RYR1: variants seen among roughly 807,000 people sequenced by gnomAD.
RYR1 encodes ryanodine receptor 1.
Under a neutral mutation model 583.5 loss-of-function variants are expected in RYR1, and 342 were observed. That is an observed-to-expected ratio of 0.59 (90% confidence interval 0.54 to 0.64). The LOEUF is 0.64. Ranked by LOEUF, RYR1 falls within the 30% of genes least tolerant of loss-of-function variation. RYR1 has a pLI of 0.00. For missense variants in RYR1, 6,032 were observed against 6,917.2 expected, an observed-to-expected ratio of 0.87 and a Z score of 4.54; for synonymous variants, 2,791 against 2,822.5, an observed-to-expected ratio of 0.99 and a Z score of 0.35.
intron 58 of RYR1, among the ~76,000 whole-genome samples, chr19:38,509,450 A>ATTTTT (rs534650223): frequency 3.8e-5 from 4 of 104,364 alleles, no homozygotes; most frequent in East Asian, 2.6e-4. Flanking sequence ...TATTATTATT[A>ATTTTT]TTTTTTTTTT....
In RYR1 at chr19:38,500,051, G is replaced by A; in HGVS notation, c.7323+35G>A. The A allele has an allele frequency of 6.3e-7, 1 of 1,594,520 alleles. No individual in the cohort carries two copies. Among genetic ancestry groups the A allele is most frequent in the Non-Finnish European group, 8.6e-7 (1 of 1,163,184 alleles). On this transcript the variant is annotated intron_variant, in intron 45 of 105. Coordinates refer to ENST00000359596, the MANE Select transcript of RYR1 (RefSeq NM_000540.3). The surrounding 1 kb of genome is among the most constrained non-coding windows in gnomAD (Gnocchi z 5.9). Reference sequence around the variant, plus strand: ...TGAGCCAGGGCAGGATGGGAAGGGAGGGCAGGCACAGCCGCTTTGAACGCC... The same window carrying A: ...TGAGCCAGGGCAGGATGGGAAGGGAAGGCAGGCACAGCCGCTTTGAACGCC...
chr19:38,562,098 A>G (rs1019180816), intron 90 of RYR1, among the ~76,000 whole-genome samples: 11 of 151,756 alleles, frequency 7.2e-5, no homozygotes, highest in Non-Finnish European at 1.2e-4. Context: ...CCCTCTCAGA[A>G]CCCTGGCATG....
At chr19:38,524,665 G>A (rs1027075850) in intron 70 of RYR1, among the ~76,000 whole-genome samples, 1 of 152,210 alleles carries the variant, frequency 6.6e-6, no homozygotes, top group African/African-American at 2.4e-5. Context: ...CTGTGTCTCT[G>A]CTTCCAGATC....
chr19:38,569,513 T>A (rs1973615782), intron 93 of RYR1, among the ~76,000 whole-genome samples: 1 of 151,006 alleles, frequency 6.6e-6, no homozygotes, highest in South Asian at 2.1e-4. Context: ...TATGGTTGTG[T>A]CACTTCACTC....
At position 38,586,008 on chromosome 19, in the gene RYR1, T is replaced by A. The variant is rs759934562; in HGVS notation, c.14868+6T>A. On this transcript the variant is annotated splice_donor_region_variant and intron_variant, in intron 103 of 105. Transcript: ENST00000359596. ...AAGTGAAGGAGGATATGGAGGTAGG[T>A]CATGTCTGGGGGTGACCCAGAGGGA... 129 of 1,613,676 alleles carry A rather than the reference T, an allele frequency of 8.0e-5. 1 individual carries two copies. Among genetic ancestry groups the A allele is most frequent in the Non-Finnish European group, 1.1e-4 (128 of 1,179,966 alleles).
chr19:38,446,008 G>A (rs917094357), intron 7 of RYR1, among the ~76,000 whole-genome samples: 2 of 151,812 alleles, frequency 1.3e-5, no homozygotes, highest in African/African-American at 2.4e-5. Context: ...TAAACAAAAC[G>A]AAACAAAAAA....
In RYR1 at chr19:38,455,560, GGGGAGT is replaced by G; in HGVS notation, c.1672+19_1672+24del. ...AGGCCTCGTCTGGTAGGAGAACCCG[GGGGAGT>G]GGGACAGAGGCTTGTGGGAGGGGAT... On this transcript the variant is annotated intron_variant, in intron 15 of 105. Transcript: ENST00000359596. 1.9e-6 allele frequency: 3 copies of G among 1,613,812 alleles called. No individual in the cohort carries two copies. Among genetic ancestry groups the G allele is most frequent in the Non-Finnish European group, 2.5e-6 (3 of 1,179,794 alleles).
chr19:38,508,694 C>T (rs1004614460), intron 58 of RYR1, among the ~76,000 whole-genome samples: 1 of 152,052 alleles, frequency 6.6e-6, no homozygotes, highest in Non-Finnish European at 1.5e-5. Context: ...GTCAGGATGC[C>T]CTGTAGCTGA....
chr19:38,528,424 G>A lies in RYR1; in HGVS notation c.10937+6G>A, dbSNP rs200073458. 4 of 1,613,820 alleles carry A rather than the reference G, an allele frequency of 2.5e-6. No individual in the cohort carries two copies. In the African/African-American group the frequency reaches 4.0e-5, roughly 16 times the overall value. On this transcript the variant is annotated splice_donor_region_variant and intron_variant, in intron 74 of 105. Coordinates refer to ENST00000359596, the MANE Select transcript of RYR1 (RefSeq NM_000540.3). ...CCCCTGTACAACCTGCCCACGTAAG[G>A]CCCCCAGGGACAAGGGAAGCGTGAA...
At chr19:38,545,252 C>A (rs1194364714) in intron 87 of RYR1, among the ~76,000 whole-genome samples, 2 of 152,060 alleles carry the variant, frequency 1.3e-5, no homozygotes, top group Non-Finnish European at 2.9e-5. Context: ...ATGGGGGACT[C>A]CGCAGGTGAA....
At position 38,580,247 on chromosome 19, in the gene RYR1, CG is replaced by C. The variant is rs776836711; in HGVS notation, c.14512-118del. 2.5e-6 allele frequency: 4 copies of C among 1,587,330 alleles called. No homozygotes were observed. In the African/African-American group the frequency reaches 4.1e-5, roughly 16 times the overall value. On this transcript the variant is annotated intron_variant, in intron 100 of 105. Coordinates refer to ENST00000359596, the MANE Select transcript of RYR1 (RefSeq NM_000540.3). The stretch of plus-strand genomic sequence containing the variant: ...AGGGGCAAGGCCAGGTGCGCTGAGC[CG>C]GGGGTGTGTGGGGCAGCAAGGTAGA...
chr19:38,440,686 G>T, intron 1 of RYR1, 59 bp from the exon 2 acceptor site: 1 of 1,589,050 alleles, frequency 6.3e-7, no homozygotes, highest in Non-Finnish European at 8.6e-7. Flanking sequence ...CCTGTGGTCT[G>T]CAGTATTTGT....
chr19:38,441,166 G>A (rs537396518), intron 2 of RYR1, among the ~76,000 whole-genome samples: 13 of 150,580 alleles, frequency 8.6e-5, no homozygotes, highest in Admixed American at 8.6e-4. Context: ...AGAAAGCCTC[G>A]GGTTTAAGGG....
At chr19:38,479,352 G>A (rs1348326009) in intron 31 of RYR1, among the ~76,000 whole-genome samples, 1 of 152,148 alleles carries the variant, frequency 6.6e-6, no homozygotes, top group Non-Finnish European at 1.5e-5. Flanking sequence ...AGGTGGGTTT[G>A]TACAACTTTA....
chr19:38,502,790 G>GGGAGGA, intron 48 of RYR1, 63 bp downstream of exon 48: 6 of 1,110,186 alleles, frequency 5.4e-6, no homozygotes, highest in Non-Finnish European at 7.2e-6. Context: ...CAGGGGCAGG[G>GGGAGGA]GCAGGGGCAG....
intron 30 of RYR1, 130 bp from the exon 31 acceptor site, chr19:38,478,305 G>C: frequency 1.0e-6 from 1 of 1,003,096 alleles, no homozygotes; most frequent in South Asian, 1.4e-5. Flanking sequence ...TCAGCTCTCA[G>C]GTCTGCAGGC....
Position 38,467,698 on chromosome 19 carries a change from C to T in RYR1, c.3267C>T (p.Phe1089=), listed in dbSNP as rs1302567016. 7 of 1,614,094 alleles carry T rather than the reference C, an allele frequency of 4.3e-6. No individual in the cohort carries two copies. The highest frequency in any genetic ancestry group is 4.0e-5 in the African/African-American group (3 of 74,940). ...CAGTGCAGAGCGGCCGCTGGTACTT[C>T]GAGTTTGAAGCAGTCACCACAGGCG... ...SYTVQSGRWY[F]EFEAVTTGEM... The change falls in exon 25 of 106, where the codon TTC becomes TTT. Residue 1089 remains phenylalanine, a synonymous_variant. Coordinates refer to ENST00000359596, the MANE Select transcript of RYR1 (RefSeq NM_000540.3).
chr19:38,502,967 C>T lies in RYR1; in HGVS notation c.7923C>T (p.Leu2641=). Residue 2641 remains leucine (L), a synonymous_variant, in exon 49 of 106, where the codon CTC becomes CTT. Coordinates refer to ENST00000359596, the MANE Select transcript of RYR1 (RefSeq NM_000540.3). ...TCAACGAGTTCGCCAAGATGCCACT[C>T]AAGGTGAGGGCAAGCGCTCTTTAGC... is the stretch of plus-strand genomic sequence containing the variant. ...PILNEFAKMP[L]KLLTNHYERC... is the part of the protein sequence containing the mutation. 1 of 1,608,840 alleles carries T rather than the reference C, an allele frequency of 6.2e-7. No individual in the cohort carries two copies. Among genetic ancestry groups the T allele is most frequent in the Non-Finnish European group, 8.5e-7 (1 of 1,179,952 alleles).
chr19:38,470,090 C>T (rs112330500), intron 27 of RYR1, among the ~76,000 whole-genome samples: 8,821 of 150,932 alleles, frequency 0.058, 390 homozygotes, highest in Non-Finnish European at 0.093. Flanking sequence ...CGCTTGAACA[C>T]GGGAGATGGA....
Sources: allele counts gnomAD v4.1 joint callset (sites outside exome capture counted in the v4.1 genomes callset), GRCh38; gene constraint gnomAD v4.1.1; non-coding constraint Gnocchi (gnomAD v3.1); transcripts MANE v1.5; gene names NCBI Gene and HGNC (gene_info 2026-07-23, HGNC 2026-07-21).